Variants in BRF1 observed in about 807,000 individuals in gnomAD.
BRF1 encodes BRF1 general transcription factor IIIB subunit, also known as transcription factor IIIB 90 kDa subunit.
A neutral mutation model predicts 81.7 loss-of-function variants in BRF1; 59 were observed. The observed-to-expected ratio is 0.72, with a 90% CI of 0.59 to 0.90. The LOEUF is 0.90. Ranked by LOEUF, BRF1 falls within the 40% of genes least tolerant of loss-of-function variation. BRF1 has a pLI of 0.00. For synonymous variants in BRF1, 491 were observed against 395.6 expected, an observed-to-expected ratio of 1.24 and a Z score of -2.86; for missense variants, 1,050 against 936.3, an observed-to-expected ratio of 1.12 and a Z score of -1.58.
chr14:105,223,209 C>G (rs930863935), intron 10 of BRF1, among the ~76,000 whole-genome samples: 1 of 152,152 alleles, frequency 6.6e-6, no homozygotes, highest in South Asian at 2.1e-4. Context: ...CAAAAAAAGA[C>G]ATACACACTT....
At chr14:105,255,357 A>C (rs1235385433) in intron 4 of BRF1, among the ~76,000 whole-genome samples, 1 of 152,230 alleles carries the variant, frequency 6.6e-6, no homozygotes, top group East Asian at 1.9e-4. Context: ...GTAGCTTCTG[A>C]GTTGCCATTT....
chr14:105,211,463 G>T (rs1170407760), intron 16 of BRF1, 170 bp from the exon 17 acceptor site: 7 of 612,608 alleles, frequency 1.1e-5, no homozygotes, highest in African/African-American at 3.7e-5. Context: ...TGGCCTCCTG[G>T]GGGCTGTGCC....
intron 10 of BRF1, among the ~76,000 whole-genome samples, chr14:105,223,018 C>G (rs1448836180): frequency 1.3e-5 from 2 of 152,102 alleles, no homozygotes; most frequent in Non-Finnish European, 2.9e-5. Context: ...ACAGCAAGAT[C>G]CTGTCTCTAT....
chr14:105,265,753 T>C (rs2056382748), intron 3 of BRF1, among the ~76,000 whole-genome samples: 1 of 151,742 alleles, frequency 6.6e-6, no homozygotes, highest in African/African-American at 2.4e-5. Flanking sequence ...AAAACAAAAT[T>C]AGCCAGGTGT....
intron 1 of BRF1, among the ~76,000 whole-genome samples, chr14:105,294,544 A>T (rs747993850): frequency 6.6e-6 from 1 of 152,234 alleles, no homozygotes; most frequent in Non-Finnish European, 1.5e-5. Context: ...AGTCTTGGCA[A>T]CTGTGACACA....
chr14:105,301,613 C>G (rs1422743009), upstream of BRF1, among the ~76,000 whole-genome samples: 1 of 152,244 alleles, frequency 6.6e-6, no homozygotes, highest in Non-Finnish European at 1.5e-5. Context: ...TCCGCCGCTC[C>G]GCTCGCCCAG....
intron 3 of BRF1, among the ~76,000 whole-genome samples, chr14:105,265,576 A>AC (rs2056373801): frequency 6.6e-6 from 1 of 151,898 alleles, no homozygotes; most frequent in African/African-American, 2.4e-5. Context: ...ACATGGTGAA[A>AC]CCCCTCTCTA....
At chr14:105,260,286 GA>G (rs1458579666) in intron 3 of BRF1, among the ~76,000 whole-genome samples, 1 of 152,190 alleles carries the variant, frequency 6.6e-6, no homozygotes, top group East Asian at 1.9e-4. Flanking sequence ...CAAAAAATAA[GA>G]TGGTGAGGGC....
Position 105,284,192 on chromosome 14 carries a change from C to T in BRF1, c.265+2104G>A, listed in dbSNP as rs587755364. ...ACAAAACTGGCCTTCCACCCGGCCACGGCTCGAAGCATTTCCGAAGACTGA... is the reference window on the plus strand; with the variant it reads ...ACAAAACTGGCCTTCCACCCGGCCATGGCTCGAAGCATTTCCGAAGACTGA... On this transcript the variant is annotated intron_variant, in intron 2 of 17. Coordinates refer to ENST00000547530, the MANE Select transcript of BRF1 (RefSeq NM_001519.4). The surrounding 1 kb of genome is among the most constrained non-coding windows in gnomAD (Gnocchi z 4.0). Among the ~76,000 whole-genome samples the T allele has an allele frequency of 3.5e-4, 53 of 152,264 alleles. No individual in the cohort carries two copies. Among genetic ancestry groups the T allele is most frequent in the African/African-American group, 1.2e-3 (51 of 41,540 alleles).
chr14:105,219,595 T>G (rs1595271418), intron 12 of BRF1: 1 of 439,982 alleles, frequency 2.3e-6, no homozygotes, highest in South Asian at 4.1e-5. Flanking sequence ...GCTGGAGGGG[T>G]CTGAGGCACC....
At chr14:105,291,816 G>A (rs2057524868) in intron 1 of BRF1, among the ~76,000 whole-genome samples, 1 of 151,858 alleles carries the variant, frequency 6.6e-6, no homozygotes. Flanking sequence ...TGGCCAACAT[G>A]GCGAAACCCC....
chr14:105,220,316 C>T (rs1225582930), intron 11 of BRF1, among the ~76,000 whole-genome samples, 186 bp from the exon 12 acceptor site: 2 of 152,160 alleles, frequency 1.3e-5, no homozygotes, highest in South Asian at 2.1e-4. Flanking sequence ...ATGCCTAGCT[C>T]AGGACACTAA....
chr14:105,290,629 C>T (rs904978816), intron 1 of BRF1, among the ~76,000 whole-genome samples: 2 of 152,132 alleles, frequency 1.3e-5, no homozygotes, highest in Non-Finnish European at 2.9e-5. Context: ...ACTCCTTGAC[C>T]CATACCCATC....
chr14:105,296,080 C>CACAA (rs2057730132), intron 1 of BRF1, among the ~76,000 whole-genome samples: 1 of 56,924 alleles, frequency 1.8e-5, no homozygotes, highest in African/African-American at 6.7e-5. Context: ...CACTCTATCT[C>CACAA]AAAAAAAAAA....
rs781693558 is a variant in BRF1 at position 105,219,222 on chromosome 14, T to C, written c.1388A>G (p.Asn463Ser). The C allele has an allele frequency of 1.9e-6, 3 of 1,612,352 alleles. No individual in the cohort carries two copies. The highest frequency in any genetic ancestry group is 2.2e-5 in the South Asian group (2 of 91,066). ...DDLEIDRYIL[N>S]ESEARVKAEL... Reference sequence around the variant, plus strand: ...GGCCTTCACGCGGGCTTCCGACTCATTCAGGATGTACTGGGCGAGCACAGG... The same window carrying C: ...GGCCTTCACGCGGGCTTCCGACTCACTCAGGATGTACTGGGCGAGCACAGG... The change falls in exon 13 of 18, where the codon AAT becomes AGT. Residue 463 changes from asparagine to serine, a missense_variant. Physicochemically the swap from Asn to Ser is conservative, Grantham distance 46 (BLOSUM62 1). This residue lies in a region of BRF1 where 1,043 missense variants were observed against 915.4 expected (regional missense o/e 1.14). Coordinates refer to ENST00000547530, the MANE Select transcript of BRF1 (RefSeq NM_001519.4).
intron 15 of BRF1, chr14:105,212,983 A>T (rs1890382173): frequency 6.6e-6 from 1 of 152,196 alleles, no homozygotes; most frequent in African/African-American, 2.4e-5. Flanking sequence ...AGCAGGTGTG[A>T]GCCAGGCTGA....
At chr14:105,308,016 T>C (rs1348683113) in intron 1 of BRF1, among the ~76,000 whole-genome samples, 1 of 149,054 alleles carries the variant, frequency 6.7e-6, no homozygotes. Flanking sequence ...GATCCCTGTC[T>C]CTACAAAAAA....
In BRF1 at chr14:105,219,656, T is replaced by C. The variant is rs114913187; in HGVS notation, c.1377+413A>G. On this transcript the variant is annotated intron_variant, in intron 12 of 17. Transcript: ENST00000547530. ...GACTTCCTGCCTGACAGAGGGCAAGTATATTGAGATAAACTGCAAAGAGCT... is the reference window on the plus strand; with the variant it reads ...GACTTCCTGCCTGACAGAGGGCAAGCATATTGAGATAAACTGCAAAGAGCT... 5.9e-3 allele frequency: 2,314 copies of C among 395,232 alleles called. 45 individuals carry two copies. Among genetic ancestry groups the C allele is most frequent in the African/African-American group, 0.042 (2,118 of 50,196 alleles). The allele number at this position is 395,232 out of a possible 1,614,324, so 24.5% of individuals were successfully genotyped here.
At chr14:105,217,118 T>C (rs1226791406) in intron 15 of BRF1, 3 of 218,620 alleles carry the variant, frequency 1.4e-5, no homozygotes, top group Non-Finnish European at 2.7e-5. Flanking sequence ...TCCACCCACA[T>C]CCTCCTTCCT....
Sources: allele counts gnomAD v4.1 joint callset (sites outside exome capture counted in the v4.1 genomes callset), GRCh38; gene constraint gnomAD v4.1.1; regional missense constraint gnomAD v4.1.1; non-coding constraint Gnocchi (gnomAD v3.1); transcripts MANE v1.5; gene names NCBI Gene and HGNC (gene_info 2026-07-23, HGNC 2026-07-21).